The following STAC variants were observed in gnomAD, a reference collection of about 807,000 sequenced individuals.
STAC encodes SH3 and cysteine rich domain, also known as SH3 and cysteine-rich domain-containing protein.
Under a neutral mutation model 48.8 loss-of-function variants are expected in STAC, and 43 were observed. That is an observed-to-expected ratio of 0.88 (90% CI 0.69 to 1.14). The LOEUF is 1.14. STAC is among the 50% of genes most tolerant of loss of function. The pLI, the probability that STAC is intolerant of heterozygous loss-of-function variation, is 0.00. For synonymous variants in STAC, 193 were observed against 179.5 expected, an observed-to-expected ratio of 1.07 and a Z score of -0.60; for missense variants, 497 against 504.0, an observed-to-expected ratio of 0.99 and a Z score of 0.13.
At chr3:36,467,907 G>T (rs1697222281) in intron 2 of STAC, among the ~76,000 whole-genome samples, 1 of 151,762 alleles carries the variant, frequency 6.6e-6, no homozygotes, top group Non-Finnish European at 1.5e-5. Context: ...GATTTTTCTT[G>T]TTTCTCCAGT....
At chr3:36,473,219 A>G (rs547015418) in intron 2 of STAC, among the ~76,000 whole-genome samples, 26 of 152,230 alleles carry the variant, frequency 1.7e-4, no homozygotes, top group Middle Eastern at 3.4e-3. Context: ...GCATGATTCA[A>G]TTACCTCCCC....
intron 1 of STAC, among the ~76,000 whole-genome samples, chr3:36,391,149 A>AT (rs1328662142): frequency 2.6e-5 from 4 of 152,176 alleles, no homozygotes; most frequent in Non-Finnish European, 5.9e-5. Context: ...AATCAGAAGC[A>AT]TTAAGCACAA....
intron 10 of STAC, among the ~76,000 whole-genome samples, chr3:36,538,474 T>A (rs148073054): frequency 6.5e-4 from 99 of 152,320 alleles, no homozygotes; most frequent in African/African-American, 2.1e-3. Context: ...GCAATGAACA[T>A]CTCTGAACAT....
At chr3:36,467,165 A>G (rs1697200558) in intron 2 of STAC, among the ~76,000 whole-genome samples, 1 of 152,060 alleles carries the variant, frequency 6.6e-6, no homozygotes, top group African/African-American at 2.4e-5. Flanking sequence ...TACATATGTT[A>G]AACCATCCCT....
chr3:36,526,589 T>C (rs1376518814), intron 8 of STAC, among the ~76,000 whole-genome samples: 1 of 152,186 alleles, frequency 6.6e-6, no homozygotes, highest in African/African-American at 2.4e-5. Context: ...TGGGGTTTTG[T>C]GGCTGTTTAT....
At chr3:36,424,270 A>G (rs1385348773) in intron 1 of STAC, among the ~76,000 whole-genome samples, 1 of 152,124 alleles carries the variant, frequency 6.6e-6, no homozygotes, top group Non-Finnish European at 1.5e-5. Flanking sequence ...AAAAAAAACA[A>G]AACTGTTCTC....
intron 1 of STAC, among the ~76,000 whole-genome samples, chr3:36,412,612 C>T (rs1700221904): frequency 6.6e-6 from 1 of 152,092 alleles, no homozygotes; most frequent in African/African-American, 2.4e-5. Flanking sequence ...TATTCTTTCA[C>T]ATTTAGATTT....
chr3:36,386,404 A>G (rs1347174339), intron 1 of STAC, among the ~76,000 whole-genome samples: 13 of 141,842 alleles, frequency 9.2e-5, no homozygotes, highest in Admixed American at 7.2e-5. Context: ...TCTCTTCTAC[A>G]CTGAAAAAAA....
intron 1 of STAC, among the ~76,000 whole-genome samples, chr3:36,396,195 T>A (rs998614005): frequency 2.6e-5 from 4 of 152,146 alleles, no homozygotes; most frequent in Non-Finnish European, 4.4e-5. Context: ...TTAGCAGATA[T>A]TGAACCAAAG....
intron 8 of STAC, among the ~76,000 whole-genome samples, chr3:36,519,515 G>A (rs1218676104): frequency 1.3e-5 from 2 of 152,142 alleles, no homozygotes; most frequent in Admixed American, 1.3e-4. Context: ...TTTTCTCTCT[G>A]ATAAAGCTGA....
At position 36,546,395 on chromosome 3, in the gene STAC, C is replaced by G. The variant is rs927696729; in HGVS notation, c.*106C>G. 1.1e-6 allele frequency: 1 copy of G among 931,204 alleles called. No homozygotes were observed. 57.7% of individuals were successfully genotyped at this position (931,204 alleles called of 1,614,324 possible). On this transcript the variant is annotated 3_prime_UTR_variant, in exon 11 of 11. Transcript: ENST00000273183. ...GAGCTGCCGCACTGACCCAGCCCCC[C>G]AGGAAACAGTGAGACAAGAATCAAG...
intron 2 of STAC, among the ~76,000 whole-genome samples, chr3:36,469,497 T>G (rs1186459752): frequency 6.6e-6 from 1 of 150,750 alleles, no homozygotes; most frequent in Admixed American, 6.6e-5. Context: ...ATCTGATGTT[T>G]TTGACTCAAG....
intron 1 of STAC, among the ~76,000 whole-genome samples, chr3:36,398,525 G>A (rs1277108007): frequency 1.4e-5 from 1 of 69,232 alleles, no homozygotes; most frequent in African/African-American, 6.6e-5. Flanking sequence ...GAAAGAGAGA[G>A]AAAGAAAGAA....
chr3:36,518,938 G>C (rs1698737233), intron 8 of STAC, among the ~76,000 whole-genome samples: 1 of 152,180 alleles, frequency 6.6e-6, no homozygotes, highest in African/African-American at 2.4e-5. Context: ...CAGAAGAGTA[G>C]ATCAGAAGTT....
At chr3:36,444,101 C>G (rs1050189551) in intron 2 of STAC, among the ~76,000 whole-genome samples, 2 of 152,174 alleles carry the variant, frequency 1.3e-5, no homozygotes, top group East Asian at 1.9e-4. Flanking sequence ...TACCCTTTGC[C>G]AAGGCTCAGT....
chr3:36,394,880 C>CAA (rs144495707), intron 1 of STAC, among the ~76,000 whole-genome samples: 3,382 of 126,518 alleles, frequency 0.027, 53 homozygotes, highest in East Asian at 0.029. Context: ...AAAATTCTGT[C>CAA]AAAAAAAAAA....
chr3:36,523,846 G>T (rs1278193583), intron 8 of STAC, among the ~76,000 whole-genome samples: 1 of 152,202 alleles, frequency 6.6e-6, no homozygotes, highest in African/African-American at 2.4e-5. Flanking sequence ...GTTTTCATTT[G>T]TTTCTTTGAT....
At chr3:36,514,939 G>C (rs755860114) in intron 8 of STAC, among the ~76,000 whole-genome samples, 37 of 151,990 alleles carry the variant, frequency 2.4e-4, no homozygotes, top group Non-Finnish European at 5.1e-4. Flanking sequence ...TCGGGAGGCT[G>C]AGGCAGGGGA....
At chr3:36,456,055 A>ACACACG (rs1353516186) in intron 2 of STAC, among the ~76,000 whole-genome samples, 29 of 91,570 alleles carry the variant, frequency 3.2e-4, no homozygotes, top group African/African-American at 1.2e-3. Flanking sequence ...TGCATCACAT[A>ACACACG]CACACACGTG....
Sources: gnomAD v4.1 joint callset for allele counts (sites outside exome capture counted in the v4.1 genomes callset) on GRCh38, gnomAD v4.1.1 for gene constraint, MANE v1.5 for transcripts, NCBI Gene and HGNC (gene_info 2026-07-23, HGNC 2026-07-21) for gene names.